NYNRIN: variants seen among roughly 807,000 people sequenced by gnomAD.
NYNRIN encodes protein NYNRIN.
A neutral mutation model predicts 146.6 loss-of-function variants in NYNRIN; 86 were observed. The ratio of observed to expected loss-of-function variants is 0.59; its 90% CI spans 0.49 to 0.70. The LOEUF (loss-of-function observed/expected upper bound fraction) is 0.70, where lower values mean the gene tolerates loss of function less well. Ranked by LOEUF, NYNRIN falls within the 30% of genes least tolerant of loss-of-function variation. The pLI is 0.00. For synonymous variants in NYNRIN, 1,027 were observed against 1,001.3 expected (o/e 1.03, Z -0.48); for missense variants, 2,191 against 2,377.7 (o/e 0.92, Z 1.63).
chr14:24,412,959 A>G lies in NYNRIN; in HGVS notation c.2643-38A>G, dbSNP rs2042921511. ...AGATGACCCAGGAAGTGAGGGGGCT[A>G]GTTACTGGGTCATTAGTGACTTCCC... On this transcript the variant is annotated intron_variant, in intron 6 of 8. Coordinates refer to ENST00000382554, the MANE Select transcript of NYNRIN (RefSeq NM_025081.3). 6 of 1,351,882 alleles carry G rather than the reference A, an allele frequency of 4.4e-6. No homozygotes were observed. The African/African-American group carries it at 5.8e-5, about 13-fold the overall frequency. The allele number at this position is 1,351,882 out of a possible 1,614,324, so 83.7% of individuals were successfully genotyped here. A position where few individuals can be genotyped will look rare whatever the true frequency, so the allele number is the denominator to read the frequency against.
intron 2 of NYNRIN, among the ~76,000 whole-genome samples, chr14:24,400,205 G>C (rs756069990): frequency 6.6e-6 from 1 of 152,202 alleles, no homozygotes; most frequent in African/African-American, 2.4e-5. Flanking sequence ...TGGGTTTTCA[G>C]ATGAAAGGGC....
chr14:24,415,427 C>T lies in NYNRIN; in HGVS notation c.3678C>T (p.Thr1226=), dbSNP rs2042938192. Residue 1226 remains threonine (T), a synonymous_variant, in exon 9 of 9, where the codon ACC becomes ACT. Transcript: ENST00000382554. The part of the protein sequence containing the change: ...LKHFSRCIGD[T]PVVLDLSYAS... The stretch of plus-strand genomic sequence containing the variant: ...ATTTTTCCCGCTGCATTGGAGACAC[C>T]CCGGTGGTCCTGGACCTTTCCTATG... 1 of 1,613,968 alleles carries T rather than the reference C, an allele frequency of 6.2e-7. No homozygotes were observed. The highest frequency in any genetic ancestry group is 2.2e-5 in the East Asian group (1 of 44,882).
In NYNRIN at chr14:24,399,412, G is replaced by C. The variant is rs773752081; in HGVS notation, c.166G>C (p.Glu56Gln). ...CACCCCCTACTTCTGGCTACAGCTC[G>C]AGGGGCCCCGAGAGAACATGGGCAA... ...PDTPYFWLQLEGPRENMGKAK... is the reference protein window; with the variant it reads ...PDTPYFWLQLQGPRENMGKAK... The change falls in exon 2 of 9, where the codon GAG becomes CAG. Residue 56 changes from glutamate (E) to glutamine (Q), a missense_variant. By Grantham distance (29) the Glu-to-Gln change is conservative. Transcript: ENST00000382554. The C allele has an allele frequency of 9.9e-6, 16 of 1,613,074 alleles. 1 individual carries two copies. The South Asian group carries it at 1.8e-4, about 18-fold the overall frequency.
Position 24,408,200 on chromosome 14 carries a change from A to G in NYNRIN, c.530A>G (p.Asp177Gly). ...VWIRGDQHAG[D>G]LLQLPPAVQE... ...ATCCGTGGTGACCAGCATGCAGGGG[A>G]CCTACTGCAGCTGCCCCCAGCGGTC... Residue 177 changes from aspartate to glycine, a missense_variant, in exon 3 of 9, where the codon GAC becomes GGC. By Grantham distance (94) the Asp-to-Gly change is moderately conservative. Transcript: ENST00000382554. The G allele has an allele frequency of 6.2e-7, 1 of 1,601,258 alleles. No individual in the cohort carries two copies. The highest frequency in any genetic ancestry group is 1.1e-5 in the South Asian group (1 of 90,522).
chr14:24,408,548 C>T, intron 3 of NYNRIN, 21 bp downstream of exon 3: 1 of 1,548,956 alleles, frequency 6.5e-7, no homozygotes, highest in Non-Finnish European at 8.7e-7. Flanking sequence ...GAGAATGAGC[C>T]TGGCTTCTCT....
At chr14:24,413,705 A>G (rs1428291378) in intron 8 of NYNRIN, among the ~76,000 whole-genome samples, 1 of 152,222 alleles carries the variant, frequency 6.6e-6, no homozygotes, top group South Asian at 2.1e-4. Flanking sequence ...ATCCTATGCT[A>G]ATTCATGTAG....
At chr14:24,402,811 C>G (rs2042853114) in intron 2 of NYNRIN, among the ~76,000 whole-genome samples, 1 of 152,124 alleles carries the variant, frequency 6.6e-6, no homozygotes, top group Non-Finnish European at 1.5e-5. Flanking sequence ...CTTAAATTTT[C>G]TTTTATCAAA....
Position 24,413,009 on chromosome 14 carries a change from GC to G in NYNRIN, c.2656del (p.Leu886TrpfsTer18), listed in dbSNP as rs778064010. 6.3e-7 allele frequency: 1 copy of G among 1,596,928 alleles called. No individual in the cohort carries two copies. Among genetic ancestry groups the G allele is most frequent in the Non-Finnish European group, 8.5e-7 (1 of 1,171,448 alleles). ...CCTCTCCCTGCAGGTTCATGGTAAA[GC>G]TGGCAGAGGAGACAGATGGCATCAT... Reference protein sequence around the residue: ...TTYDYRFMVKLAEETDGIIVT... With the variant: ...TTYDYRFMVKXAEETDGIIVT... On this transcript the variant is annotated frameshift_variant, in exon 7 of 9. Coordinates refer to ENST00000382554, the MANE Select transcript of NYNRIN (RefSeq NM_025081.3). LOFTEE classifies it high-confidence loss of function.
chr14:24,401,154 C>T (rs2042840453), intron 2 of NYNRIN, among the ~76,000 whole-genome samples: 1 of 152,196 alleles, frequency 6.6e-6, no homozygotes. Flanking sequence ...TTGGCTTCTC[C>T]AGGCCTACCT....
chr14:24,407,977 T>C lies in NYNRIN; in HGVS notation c.307T>C (p.Cys103Arg), dbSNP rs1395552725. 6.2e-7 allele frequency: 1 copy of C among 1,614,036 alleles called. No homozygotes were observed. The highest frequency in any genetic ancestry group is 1.7e-5 in the Admixed American group (1 of 60,030). ...GAQGLFLDCL[C>R]WSTLAYLVPG... Reference sequence around the variant, plus strand: ...CCAAGGCCTCTTCCTGGACTGCCTCTGCTGGAGCACCCTTGCCTACCTGGT... The same window carrying C: ...CCAAGGCCTCTTCCTGGACTGCCTCCGCTGGAGCACCCTTGCCTACCTGGT... The change falls in exon 3 of 9, where the codon TGC becomes CGC. Residue 103 changes from cysteine to arginine, a missense_variant. Physicochemically the swap from Cys to Arg is radical, Grantham distance 180. Coordinates refer to ENST00000382554, the MANE Select transcript of NYNRIN (RefSeq NM_025081.3).
In NYNRIN at chr14:24,415,960, C is replaced by T. The variant is rs374418928; in HGVS notation, c.4211C>T (p.Pro1404Leu). The change falls in exon 9 of 9, where the codon CCA becomes CTA. Residue 1404 changes from proline to leucine, a missense_variant. Coordinates refer to ENST00000382554, the MANE Select transcript of NYNRIN (RefSeq NM_025081.3). ...ARGFLSSDGA[P>L]LPHPSLLSYI... is the part of the protein sequence containing the mutation. ...GGCTTCCTCTCCTCTGATGGGGCTCCACTCCCTCACCCAAGCCTGCTCTCC... is the reference window on the plus strand; with the variant it reads ...GGCTTCCTCTCCTCTGATGGGGCTCTACTCCCTCACCCAAGCCTGCTCTCC... 1.6e-4 allele frequency: 255 copies of T among 1,613,916 alleles called. 1 individual carries two copies. The South Asian group carries it at 2.7e-3, about 17-fold the overall frequency.
intron 2 of NYNRIN, among the ~76,000 whole-genome samples, chr14:24,401,910 A>T (rs146855270): frequency 5.1e-4 from 78 of 152,312 alleles, no homozygotes; most frequent in Admixed American, 1.4e-3. Context: ...TCTCATAGGG[A>T]GGCAGCGTGG....
Position 24,416,363 on chromosome 14 carries a change from G to T in NYNRIN, c.4614G>T (p.Thr1538=). The T allele has an allele frequency of 6.2e-7, 1 of 1,613,248 alleles. No individual in the cohort carries two copies. Among genetic ancestry groups the T allele is most frequent in the Non-Finnish European group, 8.5e-7 (1 of 1,179,548 alleles). Residue 1538 remains threonine, a synonymous_variant, in exon 9 of 9, where the codon ACG becomes ACT. Transcript: ENST00000382554. The part of the protein sequence containing the change: ...DKKPRVWVVP[T]QLRRDLIFSV... Reference sequence around the variant, plus strand: ...AGCCCAGGGTCTGGGTAGTCCCGACGCAACTCCGGAGGGATCTGATTTTCT... The same window carrying T: ...AGCCCAGGGTCTGGGTAGTCCCGACTCAACTCCGGAGGGATCTGATTTTCT...
chr14:24,408,512 C>A lies in NYNRIN; in HGVS notation c.842C>A (p.Ala281Glu). 1 of 1,577,796 alleles carries A rather than the reference C, an allele frequency of 6.3e-7. No individual in the cohort carries two copies. The highest frequency in any genetic ancestry group is 1.2e-5 in the South Asian group (1 of 85,492). The change falls in exon 3 of 9, where the codon GCA (alanine) becomes GAA (glutamate). Residue 281 changes from alanine to glutamate, a missense_variant. Transcript: ENST00000382554. ...ITAQSTPQEAANQLVRVGSNN... is the reference protein window; with the variant it reads ...ITAQSTPQEAENQLVRVGSNN... ...GCCCAGAGCACACCGCAGGAGGCAGCAAACCAGCTGGTACGGTAAGTTCTG... is the reference window on the plus strand; with the variant it reads ...GCCCAGAGCACACCGCAGGAGGCAGAAAACCAGCTGGTACGGTAAGTTCTG...
chr14:24,408,572 C>A, intron 3 of NYNRIN, 45 bp downstream of exon 3: 1 of 1,532,400 alleles, frequency 6.5e-7, no homozygotes, highest in Non-Finnish European at 8.8e-7. Flanking sequence ...CCTACCCCTG[C>A]TCCCCTACCC....
chr14:24,417,116 C>T lies in NYNRIN; in HGVS notation c.5367C>T (p.Phe1789=). Residue 1789 remains phenylalanine (F), a synonymous_variant, in exon 9 of 9, where the codon TTC becomes TTT. Coordinates refer to ENST00000382554, the MANE Select transcript of NYNRIN (RefSeq NM_025081.3). ...TTGAAGGGCTCAAGATGGACGTCTT[C>T]CTGCTACAGCTGGTGGGGGAGCTGC... The part of the protein sequence containing the change: ...ANIEGLKMDV[F]LLQLVGELLE... 1.9e-6 allele frequency: 3 copies of T among 1,613,846 alleles called. No individual in the cohort carries two copies. The highest frequency in any genetic ancestry group is 2.5e-6 in the Non-Finnish European group (3 of 1,179,782).
chr14:24,416,621 G>C lies in NYNRIN; in HGVS notation c.4872G>C (p.Pro1624=), dbSNP rs375318662. 7.4e-6 allele frequency: 12 copies of C among 1,613,802 alleles called. No individual in the cohort carries two copies. In the Admixed American group the frequency reaches 1.0e-4, roughly 13 times the overall value. ...ACCTGCAGATCGAGGTGGTGGGCCC[G>C]GTCACCATAAGTGAGGAGGGCCATA... is the stretch of plus-strand genomic sequence containing the variant. ...WSNLQIEVVG[P]VTISEEGHKH... is the part of the protein sequence containing the mutation. Residue 1624 remains proline, a synonymous_variant, in exon 9 of 9, where the codon CCG becomes CCC. Transcript: ENST00000382554.
rs761883672 is a variant in NYNRIN at position 24,415,531 on chromosome 14, T to C, written c.3782T>C (p.Leu1261Ser). The change falls in exon 9 of 9, where the codon TTG becomes TCG. Residue 1261 changes from leucine (L) to serine (S), a missense_variant. Transcript: ENST00000382554. ...GCTTGGTTGATCCGATGGTCCCTCT[T>C]GGTTCAGGACAAAGGCAAGAGGGCC... is the stretch of plus-strand genomic sequence containing the variant. ...SKAWLIRWSL[L>S]VQDKGKRALE... is the part of the protein sequence containing the mutation. The C allele has an allele frequency of 6.2e-7, 1 of 1,613,860 alleles. No homozygotes were observed. Among genetic ancestry groups the C allele is most frequent in the Non-Finnish European group, 8.5e-7 (1 of 1,179,822 alleles).
intron 2 of NYNRIN, among the ~76,000 whole-genome samples, chr14:24,404,876 A>T (rs2042866707): frequency 6.6e-6 from 1 of 151,906 alleles, no homozygotes; most frequent in Non-Finnish European, 1.5e-5. Context: ...CACTCCCTCC[A>T]TGTTTTTTTG....
Sources: gnomAD v4.1 joint callset for allele counts (sites outside exome capture counted in the v4.1 genomes callset) on GRCh38, gnomAD v4.1.1 for gene constraint, MANE v1.5 for transcripts, NCBI Gene and HGNC (gene_info 2026-07-23, HGNC 2026-07-21) for gene names.